LRMDA: variants seen among roughly 807,000 people sequenced by gnomAD.
LRMDA encodes leucine-rich melanocyte differentiation-associated protein.
Under a neutral mutation model 29.8 loss-of-function variants are expected in LRMDA, and 18 were observed. The ratio of observed to expected loss-of-function variants is 0.60; its 90% CI spans 0.42 to 0.90. LRMDA has a LOEUF of 0.90. LRMDA is among the 40% of genes least tolerant of loss of function. LRMDA has a pLI of 0.00. For missense variants in LRMDA, 273 were observed against 273.9 expected (o/e 1.00, Z 0.02); for synonymous variants, 125 against 109.4 (o/e 1.14, Z -0.89).
chr10:75,521,491 C>T (rs182879224), intron 2 of LRMDA, among the ~76,000 whole-genome samples: 26 of 152,300 alleles, frequency 1.7e-4, no homozygotes, highest in African/African-American at 6.3e-4. Context: ...GAGCAAGGCT[C>T]CGTGGGCGTG....
intron 5 of LRMDA, among the ~76,000 whole-genome samples, chr10:76,283,536 C>T (rs1020630222): frequency 4.6e-5 from 7 of 152,114 alleles, no homozygotes; most frequent in African/African-American, 7.2e-5. Context: ...GAGTTCAAGT[C>T]CAGGCTGGGT....
intron 2 of LRMDA, among the ~76,000 whole-genome samples, chr10:75,459,688 A>T (rs1240155116): frequency 3.3e-5 from 5 of 152,178 alleles, no homozygotes; most frequent in African/African-American, 1.2e-4. Context: ...GCTAGACAGT[A>T]TACCTGAGAT....
intron 2 of LRMDA, among the ~76,000 whole-genome samples, chr10:75,924,884 G>A (rs553913214): frequency 2.4e-4 from 36 of 152,272 alleles, no homozygotes; most frequent in Non-Finnish European, 4.9e-4. Flanking sequence ...TTAAATTTGA[G>A]GGGCTGGGGT....
chr10:76,037,281 A>G (rs1848265788), intron 3 of LRMDA, among the ~76,000 whole-genome samples: 1 of 152,220 alleles, frequency 6.6e-6, no homozygotes, highest in Non-Finnish European at 1.5e-5. Flanking sequence ...GTTTTATTGG[A>G]TGGAACATTT....
chr10:76,476,415 AC>A (rs572290474), intron 6 of LRMDA, among the ~76,000 whole-genome samples: 143 of 152,292 alleles, frequency 9.4e-4, no homozygotes, highest in African/African-American at 3.2e-3. Flanking sequence ...TTAATAGCTT[AC>A]CAACCAAAAA....
rs571258794 is a variant in LRMDA, at chr10:76,093,537, A to G, written c.516+34754A>G. Among the ~76,000 whole-genome samples, 3 of 152,172 alleles carry G rather than the reference A, an allele frequency of 2.0e-5. No homozygotes were observed. In the South Asian group the frequency reaches 6.3e-4, roughly 32 times the overall value. On this transcript the variant is annotated intron_variant, in intron 5 of 6. Coordinates refer to ENST00000611255, the MANE Select transcript of LRMDA (RefSeq NM_001305581.2). ...AAAGAAAGAAAATCAAGCCTTGTCG[A>G]ATGTTGTTACCACCTCCTCTTCCAT...
At chr10:75,744,561 C>A (rs1341424232) in intron 2 of LRMDA, among the ~76,000 whole-genome samples, 1 of 152,096 alleles carries the variant, frequency 6.6e-6, no homozygotes, top group East Asian at 1.9e-4. Flanking sequence ...TGGAAGAGGC[C>A]TTGGAGACCA....
intron 5 of LRMDA, among the ~76,000 whole-genome samples, chr10:76,116,024 G>A (rs1351462938): frequency 2.6e-5 from 4 of 152,164 alleles, no homozygotes; most frequent in African/African-American, 9.7e-5. Flanking sequence ...GTGTGACACG[G>A]CGCGTTATCA....
rs565992402 is a variant in LRMDA at position 76,084,702 on chromosome 10, T to C, written c.516+25919T>C. Among the ~76,000 whole-genome samples, 408 of 152,306 alleles carry C rather than the reference T, an allele frequency of 2.7e-3. 3 individuals are homozygous for C. Among genetic ancestry groups the C allele is most frequent in the African/African-American group, 9.5e-3 (396 of 41,568 alleles). On this transcript the variant is annotated intron_variant, in intron 5 of 6. Coordinates refer to ENST00000611255, the MANE Select transcript of LRMDA (RefSeq NM_001305581.2). ...TATATGTAAAGTATCTGGCACTTAG[T>C]AGTAGGTTAGTAAAAATTAGCCACT...
chr10:76,316,442 G>T (rs1297142051), intron 5 of LRMDA, among the ~76,000 whole-genome samples: 1 of 152,204 alleles, frequency 6.6e-6, no homozygotes, highest in Non-Finnish European at 1.5e-5. Flanking sequence ...TCCATGCCTG[G>T]CTCACCCTTG....
chr10:75,826,925 G>T (rs1564578955), intron 2 of LRMDA, among the ~76,000 whole-genome samples: 1 of 152,054 alleles, frequency 6.6e-6, no homozygotes, highest in South Asian at 2.1e-4. Flanking sequence ...CATCTCTTGT[G>T]AGCGCTCTGT....
At chr10:76,000,112 T>A (rs1261801410) in intron 2 of LRMDA, among the ~76,000 whole-genome samples, 1 of 152,184 alleles carries the variant, frequency 6.6e-6, no homozygotes, top group African/African-American at 2.4e-5. Flanking sequence ...ATTTTTTTTT[T>A]AAATTGAGGG....
At chr10:75,720,762 G>T (rs1387775866) in intron 2 of LRMDA, among the ~76,000 whole-genome samples, 1 of 152,198 alleles carries the variant, frequency 6.6e-6, no homozygotes, top group Admixed American at 6.5e-5. Flanking sequence ...CTCTCAAGAT[G>T]AAATCTCTTT....
intron 2 of LRMDA, among the ~76,000 whole-genome samples, chr10:75,607,824 GTTTT>G (rs5786180): frequency 1.5e-4 from 11 of 72,302 alleles, no homozygotes; most frequent in African/African-American, 3.8e-4. Context: ...TGATTCAGTG[GTTTT>G]TTTTTTTTTT....
intron 6 of LRMDA, among the ~76,000 whole-genome samples, chr10:76,367,251 G>A (rs1841401595): frequency 6.6e-6 from 1 of 152,012 alleles, no homozygotes; most frequent in African/African-American, 2.4e-5. Context: ...TTGGTATTAG[G>A]GTGATGCTGG....
chr10:75,788,110 A>G (rs1352628161), intron 2 of LRMDA, among the ~76,000 whole-genome samples: 2 of 152,242 alleles, frequency 1.3e-5, no homozygotes, highest in African/African-American at 4.8e-5. Context: ...CTGAGGCAGG[A>G]GAATTACTTG....
intron 2 of LRMDA, among the ~76,000 whole-genome samples, chr10:75,637,748 TC>T (rs1841405526): frequency 6.6e-6 from 1 of 152,210 alleles, no homozygotes; most frequent in South Asian, 2.1e-4. Flanking sequence ...GATTTCTGCC[TC>T]CCCTCTGGGT....
At chr10:76,223,814 C>T (rs181533356) in intron 5 of LRMDA, among the ~76,000 whole-genome samples, 1 of 152,322 alleles carries the variant, frequency 6.6e-6, no homozygotes, top group Admixed American at 6.5e-5. Flanking sequence ...TTGACTGTGA[C>T]AGCATCTCTT....
intron 5 of LRMDA, among the ~76,000 whole-genome samples, chr10:76,122,184 G>C (rs921780479): frequency 6.6e-6 from 1 of 152,152 alleles, no homozygotes; most frequent in Admixed American, 6.5e-5. Flanking sequence ...GTCATCTCTA[G>C]TATCTCCAAG....
Sources: allele counts gnomAD v4.1 joint callset (sites outside exome capture counted in the v4.1 genomes callset), GRCh38; gene constraint gnomAD v4.1.1; transcripts MANE v1.5; gene names NCBI Gene and HGNC (gene_info 2026-07-23, HGNC 2026-07-21).